The following WWOX variants were observed in gnomAD, a reference collection of about 807,000 sequenced individuals.
WWOX encodes the protein WW domain containing oxidoreductase.
A neutral mutation model predicts 46.2 loss-of-function variants in WWOX; 69 were observed. That is an observed-to-expected ratio of 1.49 (90% CI 1.23 to 1.82). The LOEUF (loss-of-function observed/expected upper bound fraction) is 1.82. Ranked by LOEUF, WWOX falls within the 40% of genes most tolerant of loss-of-function variation. WWOX has a pLI of 0.00. For missense variants in WWOX, 919 were observed against 542.6 expected, an observed-to-expected ratio of 1.69 and a Z score of -6.89; for synonymous variants, 359 against 202.6, an observed-to-expected ratio of 1.77 and a Z score of -6.56.
At position 78,229,410 on chromosome 16, in the gene WWOX, G is replaced by A. The variant is rs182142426; in HGVS notation, c.516+65121G>A. On this transcript the variant is annotated intron_variant, in intron 5 of 8. Transcript: ENST00000566780. ...AGAAGCCTTTGTTTTTGTTGTCATC[G>A]TTTTATGATTAACTTATATCTGGTC... Among the ~76,000 whole-genome samples, 231 of 149,618 alleles carry A rather than the reference G, an allele frequency of 1.5e-3. No homozygotes were observed. In the Middle Eastern group the frequency reaches 0.021, roughly 14 times the overall value.
chr16:79,109,767 A>C (rs1354486922), intron 8 of WWOX, among the ~76,000 whole-genome samples: 2 of 152,204 alleles, frequency 1.3e-5, no homozygotes, highest in Non-Finnish European at 2.9e-5. Context: ...GAGCGTTCGC[A>C]TCAGATAACT....
intron 8 of WWOX, among the ~76,000 whole-genome samples, chr16:78,731,280 A>G (rs143098907): frequency 9.2e-5 from 14 of 152,276 alleles, no homozygotes; most frequent in African/African-American, 1.2e-4. Flanking sequence ...GTAAGAATTT[A>G]GAGCACAGAG....
intron 6 of WWOX, among the ~76,000 whole-genome samples, chr16:78,418,662 A>T (rs995019124): frequency 1.3e-5 from 2 of 152,212 alleles, no homozygotes; most frequent in African/African-American, 4.8e-5. Context: ...TTAAAAAATC[A>T]GTCAATATAA....
chr16:78,305,692 A>G (rs1414757669), intron 5 of WWOX, among the ~76,000 whole-genome samples: 1 of 152,140 alleles, frequency 6.6e-6, no homozygotes, highest in Non-Finnish European at 1.5e-5. Flanking sequence ...AATGACAGAA[A>G]GTCACCCACC....
At chr16:78,766,728 A>T (rs2142505657) in intron 8 of WWOX, among the ~76,000 whole-genome samples, 1 of 152,358 alleles carries the variant, frequency 6.6e-6, no homozygotes, top group Middle Eastern at 3.4e-3. Flanking sequence ...GCAAGGGCAG[A>T]TCAAGCTCTT....
At chr16:78,719,370 C>T (rs2048641321) in intron 8 of WWOX, among the ~76,000 whole-genome samples, 1 of 152,226 alleles carries the variant, frequency 6.6e-6, no homozygotes, top group African/African-American at 2.4e-5. Context: ...AATCTTCTGT[C>T]AGGTGATGTG....
At chr16:79,113,803 A>T (rs1024526541) in intron 8 of WWOX, among the ~76,000 whole-genome samples, 1 of 152,206 alleles carries the variant, frequency 6.6e-6, no homozygotes. Context: ...TTTCCAGGCA[A>T]AGTGCACATT....
chr16:78,872,740 T>C (rs2044154385), intron 8 of WWOX: 1 of 152,156 alleles, frequency 6.6e-6, no homozygotes, highest in African/African-American at 2.4e-5. Flanking sequence ...GAAGCTGCCA[T>C]CTTGGTGGTT....
intron 5 of WWOX, among the ~76,000 whole-genome samples, chr16:78,172,336 A>G (rs1427481873): frequency 6.6e-6 from 1 of 152,082 alleles, no homozygotes; most frequent in Non-Finnish European, 1.5e-5. Flanking sequence ...TTACTGTTCT[A>G]CTTCAGTTGC....
intron 8 of WWOX, among the ~76,000 whole-genome samples, chr16:78,701,813 T>C (rs779787238): frequency 6.6e-6 from 1 of 151,626 alleles, no homozygotes; most frequent in Non-Finnish European, 1.5e-5. Context: ...GGGACACATC[T>C]TGAGTTTCTC....
intron 8 of WWOX, among the ~76,000 whole-genome samples, chr16:78,713,067 C>G (rs1057019080): frequency 6.6e-6 from 1 of 151,662 alleles, no homozygotes; most frequent in Non-Finnish European, 1.5e-5. Flanking sequence ...CCCAGGAGAT[C>G]GAGACCAGCC....
At chr16:79,041,370 T>C (rs916953016) in intron 8 of WWOX, among the ~76,000 whole-genome samples, 2 of 152,184 alleles carry the variant, frequency 1.3e-5, no homozygotes, top group Non-Finnish European at 2.9e-5. Flanking sequence ...CTTGCTGGAA[T>C]GCCCATTCCC....
intron 8 of WWOX, among the ~76,000 whole-genome samples, chr16:78,737,689 A>G (rs2049122809): frequency 6.6e-6 from 1 of 152,194 alleles, no homozygotes. Flanking sequence ...TAAAAGAGGA[A>G]AAGGGGTATA....
At position 78,692,934 on chromosome 16, in the gene WWOX, C is replaced by T. The variant is rs147143937; in HGVS notation, c.1056+260182C>T. Among the ~76,000 whole-genome samples the T allele has an allele frequency of 8.5e-5, 13 of 152,268 alleles. No individual in the cohort carries two copies. In the East Asian group the frequency reaches 2.5e-3, roughly 29 times the overall value. ...ATATCGTTTGCATGGTGTTTTAAAG[C>T]TAAAACTTGAGTTATTAAACACCCT... On this transcript the variant is annotated intron_variant, in intron 8 of 8. Coordinates refer to ENST00000566780, the MANE Select transcript of WWOX (RefSeq NM_016373.4).
At chr16:78,488,779 C>G (rs894010565) in intron 8 of WWOX, among the ~76,000 whole-genome samples, 1 of 152,178 alleles carries the variant, frequency 6.6e-6, no homozygotes, top group Non-Finnish European at 1.5e-5. Flanking sequence ...GTCTTAGTTT[C>G]CTTACCTGTT....
chr16:78,913,851 G>A (rs541420986), intron 8 of WWOX, among the ~76,000 whole-genome samples: 14 of 152,016 alleles, frequency 9.2e-5, no homozygotes, highest in African/African-American at 3.4e-4. Flanking sequence ...TGTAGATACG[G>A]GGTCTTGCTA....
At chr16:78,371,115 G>T (rs932695569) in intron 5 of WWOX, among the ~76,000 whole-genome samples, 5 of 150,408 alleles carry the variant, frequency 3.3e-5, no homozygotes, top group African/African-American at 1.2e-4. Context: ...CATGATCTTT[G>T]ACATACCTAG....
At chr16:78,336,696 TCTTTTCTAATTTTTTTAAAAA>T (rs1292074143) in intron 5 of WWOX, among the ~76,000 whole-genome samples, 1 of 152,090 alleles carries the variant, frequency 6.6e-6, no homozygotes, top group African/African-American at 2.4e-5. Flanking sequence ...AGAGCTGCCA[TCTTTTCTAATTTTTTTAAAAA>T]TTAGAGGCTA....
At position 78,822,002 on chromosome 16, in the gene WWOX, G is replaced by C. The variant is rs151137573; in HGVS notation, c.1056+389250G>C. On this transcript the variant is annotated intron_variant, in intron 8 of 8. Coordinates refer to ENST00000566780, the MANE Select transcript of WWOX (RefSeq NM_016373.4). ...AGCGATCCTTCTGCCTCAGTCTCCT[G>C]AGTAGGTAGGACTATAGGCATGCAC... Among the ~76,000 whole-genome samples, 1,097 of 152,234 alleles carry C rather than the reference G, an allele frequency of 7.2e-3. 14 individuals are homozygous for C. Among genetic ancestry groups the C allele is most frequent in the African/African-American group, 0.026 (1,068 of 41,552 alleles).
Sources: allele counts gnomAD v4.1 joint callset (sites outside exome capture counted in the v4.1 genomes callset), GRCh38; gene constraint gnomAD v4.1.1; transcripts MANE v1.5; gene names NCBI Gene and HGNC (gene_info 2026-07-23, HGNC 2026-07-21).